COX10: variants seen among roughly 807,000 people sequenced by gnomAD.
COX10 encodes protoheme IX farnesyltransferase, mitochondrial.
In COX10, 27 loss-of-function variants were observed where a neutral mutation model predicts 37.3. The observed-to-expected ratio is 0.72, with a 90% CI of 0.53 to 1.00. The LOEUF is 1.00. Ranked by LOEUF, COX10 falls within the 50% of genes least tolerant of loss-of-function variation. COX10 has a pLI of 0.00. For missense variants in COX10, 475 were observed against 563.2 expected, an observed-to-expected ratio of 0.84 and a Z score of 1.59; for synonymous variants, 222 against 229.1, an observed-to-expected ratio of 0.97 and a Z score of 0.28.
At chr17:14,085,978 GGT>G in intron 3 of COX10, among the ~76,000 whole-genome samples, 1 of 152,232 alleles carries the variant, frequency 6.6e-6, no homozygotes, top group South Asian at 2.1e-4. Context: ...TACGCTGAGT[GGT>G]GATTTGTATT....
intron 6 of COX10, 78 bp from the exon 7 acceptor site, chr17:14,206,732 C>T (rs1906711589): frequency 6.3e-7 from 1 of 1,576,272 alleles, no homozygotes; most frequent in East Asian, 2.2e-5. Flanking sequence ...CAGGCTCTCC[C>T]AGGAGAGGAA....
chr17:14,120,794 TATATCCTCTGGA>T (rs1393092015), intron 4 of COX10, among the ~76,000 whole-genome samples: 2 of 152,198 alleles, frequency 1.3e-5, no homozygotes, highest in Admixed American at 6.5e-5. Flanking sequence ...GAGTGAAAAC[TATATCCTCTGGA>T]ATATAGTGTC....
At chr17:14,087,585 A>G (rs1309301197) in intron 3 of COX10, among the ~76,000 whole-genome samples, 1 of 152,108 alleles carries the variant, frequency 6.6e-6, no homozygotes, top group African/African-American at 2.4e-5. Context: ...TTTAAGTAAG[A>G]GGAACCAAGG....
At position 14,102,150 on chromosome 17, in the gene COX10, G is replaced by T. The variant is rs200373790; in HGVS notation, c.532G>T (p.Ala178Ser). 1.2e-6 allele frequency: 2 copies of T among 1,613,668 alleles called. No individual in the cohort carries two copies. The highest frequency in any genetic ancestry group is 1.3e-5 in the African/African-American group (1 of 75,004). Residue 178 changes from alanine (A) to serine (S), a missense_variant, in exon 4 of 7, where the codon GCA (alanine) becomes TCA (serine). Ala to Ser is a moderately conservative substitution (Grantham distance 99). Around this residue, in one of 5 missense-constraint regions of COX10, gnomAD observed 242 missense variants for 242.5 expected, o/e 1.00. Coordinates refer to ENST00000261643, the MANE Select transcript of COX10 (RefSeq NM_001303.4). ...LVVSTTAAGF[A>S]LAPGPFDWPC... ...TGTAAGTACCACTGCAGCTGGATTT[G>T]CATTGGCTCCGGGCCCTTTTGACTG...
At chr17:14,200,825 G>A (rs548583518) in intron 6 of COX10, among the ~76,000 whole-genome samples, 2 of 152,320 alleles carry the variant, frequency 1.3e-5, no homozygotes, top group South Asian at 2.1e-4. Context: ...AAAAGAAGTC[G>A]AAAACACGTG....
At chr17:14,173,979 C>T (rs940669576) in intron 5 of COX10, among the ~76,000 whole-genome samples, 3 of 152,000 alleles carry the variant, frequency 2.0e-5, no homozygotes, top group African/African-American at 7.2e-5. Flanking sequence ...AAGCCACAAA[C>T]CATGCAAGAA....
At chr17:14,200,499 G>T (rs1476932283) in intron 6 of COX10, among the ~76,000 whole-genome samples, 1 of 152,212 alleles carries the variant, frequency 6.6e-6, no homozygotes, top group Non-Finnish European at 1.5e-5. Flanking sequence ...CCCTCCAGCT[G>T]TTCTTACATA....
intron 5 of COX10, among the ~76,000 whole-genome samples, chr17:14,172,898 G>A (rs1398164902): frequency 6.6e-6 from 1 of 151,898 alleles, no homozygotes; most frequent in Non-Finnish European, 1.5e-5. Flanking sequence ...TCACTATGTT[G>A]CCCAGGCTGG....
At chr17:14,085,763 C>T (rs1915395843) in intron 3 of COX10, among the ~76,000 whole-genome samples, 1 of 152,120 alleles carries the variant, frequency 6.6e-6, no homozygotes, top group African/African-American at 2.4e-5. Context: ...AACAGGTACG[C>T]ATGGTTTTAA....
At chr17:14,196,082 G>A (rs1202261604) in intron 6 of COX10, among the ~76,000 whole-genome samples, 2 of 151,864 alleles carry the variant, frequency 1.3e-5, no homozygotes, top group Non-Finnish European at 2.9e-5. Context: ...CGTCTTCTGT[G>A]GTATTGCCAA....
chr17:14,123,374 A>G (rs899298096), intron 4 of COX10, among the ~76,000 whole-genome samples: 1 of 152,216 alleles, frequency 6.6e-6, no homozygotes, highest in African/African-American at 2.4e-5. Context: ...ATCTCTTCTC[A>G]GCAGCATTAA....
intron 3 of COX10, among the ~76,000 whole-genome samples, chr17:14,081,598 A>G (rs926589087): frequency 6.6e-6 from 1 of 152,168 alleles, no homozygotes; most frequent in African/African-American, 2.4e-5. Flanking sequence ...GGCTTTGGCT[A>G]GCTGACTGAC....
chr17:14,189,328 G>C (rs1409341680), intron 5 of COX10, among the ~76,000 whole-genome samples: 1 of 152,146 alleles, frequency 6.6e-6, no homozygotes, highest in Admixed American at 6.5e-5. Flanking sequence ...GCATGAAAAA[G>C]ATTCATTTTT....
chr17:14,144,264 T>G (rs1904643418), intron 4 of COX10, among the ~76,000 whole-genome samples: 1 of 152,166 alleles, frequency 6.6e-6, no homozygotes, highest in African/African-American at 2.4e-5. Flanking sequence ...GTTCTGTTTG[T>G]TTTTTGTTTG....
At chr17:14,183,921 C>T (rs145558003) in intron 5 of COX10, among the ~76,000 whole-genome samples, 1 of 152,244 alleles carries the variant, frequency 6.6e-6, no homozygotes, top group Admixed American at 6.5e-5. Context: ...TACAGCTACA[C>T]TTAGCATAGT....
At chr17:14,072,254 C>CTT (rs2142178815) in intron 1 of COX10, among the ~76,000 whole-genome samples, 1 of 152,176 alleles carries the variant, frequency 6.6e-6, no homozygotes, top group East Asian at 1.9e-4. Flanking sequence ...GAGTTTTACT[C>CTT]TTGTTGTCCA....
chr17:14,131,642 G>T (rs1916469254), intron 4 of COX10, among the ~76,000 whole-genome samples: 1 of 151,978 alleles, frequency 6.6e-6, no homozygotes, highest in East Asian at 1.9e-4. Context: ...TAAATGTTCT[G>T]ATGACAATAA....
chr17:14,120,329 T>C (rs1916202913), intron 4 of COX10, among the ~76,000 whole-genome samples: 1 of 152,096 alleles, frequency 6.6e-6, no homozygotes, highest in African/African-American at 2.4e-5. Flanking sequence ...TGCATAGAGA[T>C]GGTAATTATA....
At chr17:14,079,073 C>G (rs1915221089) in intron 3 of COX10, among the ~76,000 whole-genome samples, 1 of 152,150 alleles carries the variant, frequency 6.6e-6, no homozygotes, top group Admixed American at 6.5e-5. Context: ...GATCTTGGCT[C>G]TGACATTTAC....
Sources: allele counts gnomAD v4.1 joint callset (sites outside exome capture counted in the v4.1 genomes callset), GRCh38; gene constraint gnomAD v4.1.1; regional missense constraint gnomAD v4.1.1; transcripts MANE v1.5; gene names NCBI Gene and HGNC (gene_info 2026-07-23, HGNC 2026-07-21).